The following UMAD1 variants were observed in gnomAD, a reference collection of about 807,000 sequenced individuals.
The protein encoded by UMAD1 is UBAP1-MVB12-associated (UMA) domain containing 1.
UMAD1 carries 8 observed loss-of-function variants against 6.1 expected under a neutral mutation model. That is an observed-to-expected ratio of 1.30 (90% confidence interval 0.76 to 2.35). The LOEUF is 2.35. Ranked by LOEUF, UMAD1 falls within the 30% of genes most tolerant of loss-of-function variation. The pLI is 0.00. For synonymous variants in UMAD1, 56 were observed against 31.4 expected (o/e 1.78, Z -2.61); for missense variants, 130 against 78.4 (o/e 1.66, Z -2.49).
chr7:7,869,164 G>A (rs1046959852), intron 3 of UMAD1, among the ~76,000 whole-genome samples: 11 of 152,124 alleles, frequency 7.2e-5, no homozygotes, highest in Non-Finnish European at 1.2e-4. Flanking sequence ...CTGTGCCATA[G>A]CTTATATCAC....
intron 1 of UMAD1, among the ~76,000 whole-genome samples, chr7:7,662,543 T>G (rs1785502116): frequency 6.6e-6 from 1 of 152,180 alleles, no homozygotes; most frequent in Admixed American, 6.5e-5. Context: ...GCACAGTCCC[T>G]CAAGGCTTCC....
At chr7:7,778,930 C>T (rs12702648) in intron 2 of UMAD1, among the ~76,000 whole-genome samples, 74,954 of 152,012 alleles carry the variant, frequency 0.49, 18,441 homozygotes, top group African/African-American at 0.51. Context: ...CTGTGCCACA[C>T]GTTAGGCTAA....
intron 2 of UMAD1, chr7:7,742,419 G>T (rs757068790): frequency 1.7e-6 from 1 of 577,384 alleles, no homozygotes; most frequent in East Asian, 3.9e-5. Context: ...TGGAAGGTGG[G>T]TGACGGGCAG....
chr7:7,675,560 T>C (rs1563110231), intron 2 of UMAD1, among the ~76,000 whole-genome samples: 1 of 152,194 alleles, frequency 6.6e-6, no homozygotes, highest in Non-Finnish European at 1.5e-5. Context: ...GTAGTCTTTC[T>C]TTAACTGAGC....
At chr7:7,875,746 G>A (rs1057159237) in intron 3 of UMAD1, among the ~76,000 whole-genome samples, 2 of 152,172 alleles carry the variant, frequency 1.3e-5, no homozygotes, top group African/African-American at 4.8e-5. Context: ...TGAGCAGTAG[G>A]CACTGATCTA....
At chr7:7,815,903 C>T (rs948736300) in intron 3 of UMAD1, among the ~76,000 whole-genome samples, 2 of 151,914 alleles carry the variant, frequency 1.3e-5, no homozygotes, top group Admixed American at 6.6e-5. Flanking sequence ...GTTCATTTGT[C>T]CAACAATAGA....
intron 2 of UMAD1, among the ~76,000 whole-genome samples, chr7:7,782,523 A>G (rs545163845): frequency 3.2e-4 from 49 of 152,060 alleles, no homozygotes; most frequent in Non-Finnish European, 6.2e-4. Context: ...GTTTACTTTC[A>G]ATTTTTAAAA....
chr7:7,702,395 A>C (rs2115155896), intron 2 of UMAD1, among the ~76,000 whole-genome samples: 1 of 152,194 alleles, frequency 6.6e-6, no homozygotes, highest in South Asian at 2.1e-4. Flanking sequence ...CTTATTTTTT[A>C]AATTGATATT....
chr7:7,835,611 A>G (rs1182486592), intron 3 of UMAD1, among the ~76,000 whole-genome samples: 1 of 151,466 alleles, frequency 6.6e-6, no homozygotes, highest in African/African-American at 2.4e-5. Context: ...AATAGTAGTA[A>G]GTGCTATGAA....
chr7:7,777,544 C>T lies in UMAD1; in HGVS notation c.83-24126C>T, dbSNP rs1166417094. Among the ~76,000 whole-genome samples, 7 of 127,310 alleles carry T rather than the reference C, an allele frequency of 5.5e-5. 1 individual carries two copies. Among genetic ancestry groups the T allele is most frequent in the African/African-American group, 2.2e-4 (7 of 32,140 alleles). The allele number at this position is 127,310 out of a possible 152,430, so 83.5% of individuals were successfully genotyped here. ...AAAAAGAAAAACTACAGTTAATATTCTTATATTTATGTCATTTCATACATG... is the reference window on the plus strand; with the variant it reads ...AAAAAGAAAAACTACAGTTAATATTTTTATATTTATGTCATTTCATACATG... On this transcript the variant is annotated intron_variant, in intron 2 of 3. Coordinates refer to ENST00000682710, the MANE Select transcript of UMAD1 (RefSeq NM_001302348.2).
At position 7,778,336 on chromosome 7, in the gene UMAD1, A is replaced by G. The variant is rs77275983; in HGVS notation, c.83-23334A>G. Reference sequence around the variant, plus strand: ...TAAATATGGCAAAGTTTAACAACTGATGAATATAGGTAAAGGTGAACAGTC... The same window carrying G: ...TAAATATGGCAAAGTTTAACAACTGGTGAATATAGGTAAAGGTGAACAGTC... On this transcript the variant is annotated intron_variant, in intron 2 of 3. Coordinates refer to ENST00000682710, the MANE Select transcript of UMAD1 (RefSeq NM_001302348.2). Among the ~76,000 whole-genome samples the G allele has an allele frequency of 5.7e-3, 861 of 151,970 alleles. 10 individuals are homozygous for G. Among genetic ancestry groups the G allele is most frequent in the African/African-American group, 0.02 (818 of 41,386 alleles).
At chr7:7,731,091 C>T (rs186223929) in intron 2 of UMAD1, among the ~76,000 whole-genome samples, 205 of 152,270 alleles carry the variant, frequency 1.3e-3, no homozygotes, top group Admixed American at 2.2e-3. Context: ...CTCCGCCTCC[C>T]GGGTTCCAGC....
At chr7:7,757,661 C>T (rs938818451) in intron 2 of UMAD1, among the ~76,000 whole-genome samples, 1 of 152,194 alleles carries the variant, frequency 6.6e-6, no homozygotes, top group African/African-American at 2.4e-5. Flanking sequence ...TCTGGCTAGA[C>T]TCCTGTTCAA....
At chr7:7,767,404 C>T (rs1447497296) in intron 2 of UMAD1, among the ~76,000 whole-genome samples, 2 of 152,142 alleles carry the variant, frequency 1.3e-5, no homozygotes, top group Non-Finnish European at 2.9e-5. Context: ...AGATTACAGG[C>T]GTGAGCCACC....
Position 7,669,084 on chromosome 7 carries a change from GTT to G in UMAD1, c.-63-4213_-63-4212del, listed in dbSNP as rs11340786. ...GACAGTGGCCCCAGCTGGGAATCAAGTTTTTTTTTTTTTCTCATCAGTATTAA... is the reference window on the plus strand; with the variant it reads ...GACAGTGGCCCCAGCTGGGAATCAAGTTTTTTTTTTTCTCATCAGTATTAA... On this transcript the variant is annotated intron_variant, in intron 1 of 3. Coordinates refer to ENST00000682710, the MANE Select transcript of UMAD1 (RefSeq NM_001302348.2). 3.2e-4 allele frequency among the ~76,000 whole-genome samples: 47 copies of G among 148,950 alleles called. No individual in the cohort carries two copies. The East Asian group carries it at 3.3e-3, about 11-fold the overall frequency.
chr7:7,676,254 C>T (rs1779736260), intron 2 of UMAD1: 2 of 398,250 alleles, frequency 5.0e-6, no homozygotes, highest in African/African-American at 2.1e-5. Flanking sequence ...AGGAAATGAG[C>T]ACGATATCGG....
chr7:7,662,145 C>G (rs13233179), intron 1 of UMAD1, among the ~76,000 whole-genome samples: 37,627 of 152,034 alleles, frequency 0.25, 4,802 homozygotes, highest in African/African-American at 0.29. Context: ...TCAGTAATGG[C>G]AGATGCCCTT....
chr7:7,677,216 A>G (rs144711411), intron 2 of UMAD1, among the ~76,000 whole-genome samples: 1,547 of 152,290 alleles, frequency 0.01, 11 homozygotes, highest in Non-Finnish European at 0.018. Flanking sequence ...TAGGATATCT[A>G]TCACTTCAAG....
chr7:7,709,624 T>C (rs1401545574), intron 2 of UMAD1, among the ~76,000 whole-genome samples: 1 of 152,268 alleles, frequency 6.6e-6, no homozygotes, highest in Non-Finnish European at 1.5e-5. Flanking sequence ...GAAGTCATCT[T>C]TCCCTAACAA....
Sources: gnomAD v4.1 joint callset for allele counts (sites outside exome capture counted in the v4.1 genomes callset) on GRCh38, gnomAD v4.1.1 for gene constraint, MANE v1.5 for transcripts, NCBI Gene and HGNC (gene_info 2026-07-23, HGNC 2026-07-21) for gene names.